TPH2: variants seen among roughly 807,000 people sequenced by gnomAD.
The protein encoded by TPH2 is tryptophan 5-hydroxylase 2.
Under a neutral mutation model 59.1 loss-of-function variants are expected in TPH2, and 27 were observed. The observed-to-expected ratio is 0.46, with a 90% CI of 0.34 to 0.63. The LOEUF (loss-of-function observed/expected upper bound fraction) is 0.63. Ranked by LOEUF, TPH2 falls within the 30% of genes least tolerant of loss-of-function variation. TPH2 has a pLI of 0.01. For synonymous variants in TPH2, 220 were observed against 210.5 expected (o/e 1.05, Z -0.39); for missense variants, 523 against 588.3 (o/e 0.89, Z 1.15).
chr12:71,953,358 G>C (rs1288480678), intron 5 of TPH2, among the ~76,000 whole-genome samples: 1 of 152,044 alleles, frequency 6.6e-6, no homozygotes, highest in Non-Finnish European at 1.5e-5. Context: ...CTGAGTATGA[G>C]TTTGAGGATG....
intron 6 of TPH2, among the ~76,000 whole-genome samples, chr12:71,976,841 C>T (rs778807433): frequency 1.1e-4 from 16 of 152,048 alleles, no homozygotes; most frequent in Admixed American, 5.9e-4. Context: ...AAAGGAATAG[C>T]CTTCCAGGAC....
chr12:72,017,005 C>T (rs1033413198), intron 8 of TPH2, among the ~76,000 whole-genome samples: 3 of 152,106 alleles, frequency 2.0e-5, no homozygotes, highest in Non-Finnish European at 4.4e-5. Flanking sequence ...AATTTCTTTC[C>T]CATCAAGTGT....
intron 8 of TPH2, among the ~76,000 whole-genome samples, chr12:72,000,788 T>C (rs2139227271): frequency 6.6e-6 from 1 of 152,324 alleles, no homozygotes; most frequent in Middle Eastern, 3.4e-3. Flanking sequence ...GCCATGTCAT[T>C]GCTTCTGTTT....
chr12:71,998,657 CTCAGG>C (rs1174114479), intron 8 of TPH2, among the ~76,000 whole-genome samples: 1 of 152,094 alleles, frequency 6.6e-6, no homozygotes, highest in African/African-American at 2.4e-5. Flanking sequence ...ATATTAAGAG[CTCAGG>C]TCTTACTGGC....
intron 8 of TPH2, among the ~76,000 whole-genome samples, chr12:72,000,076 G>A (rs917950677): frequency 3.7e-4 from 56 of 152,276 alleles, no homozygotes; most frequent in African/African-American, 1.3e-3. Context: ...TTGAACATGT[G>A]TCAAAGATTT....
chr12:71,994,402 CT>C (rs1280491499), intron 7 of TPH2, 36 bp from the exon 8 acceptor site: 1 of 1,612,594 alleles, frequency 6.2e-7, no homozygotes, highest in Admixed American at 1.7e-5. Flanking sequence ...TTTAAAGCTT[CT>C]TATTTAACAC....
intron 9 of TPH2, among the ~76,000 whole-genome samples, chr12:72,023,531 T>C (rs1873481521): frequency 6.6e-6 from 1 of 151,964 alleles, no homozygotes. Flanking sequence ...GTAATAATGA[T>C]GAAGAATAAG....
intron 8 of TPH2, among the ~76,000 whole-genome samples, chr12:72,001,087 C>A (rs2139227485): frequency 6.6e-6 from 1 of 152,306 alleles, no homozygotes; most frequent in South Asian, 2.1e-4. Flanking sequence ...GTGGGGGAAG[C>A]AATCAGTGTG....
intron 8 of TPH2, among the ~76,000 whole-genome samples, chr12:71,994,964 C>T (rs375439983): frequency 0.055 from 7,887 of 144,532 alleles, 713 homozygotes; most frequent in African/African-American, 0.18. Context: ...CAGATTTAGC[C>T]TGTGTGCTGT....
chr12:71,975,142 T>C (rs1365205142), intron 6 of TPH2, among the ~76,000 whole-genome samples: 1 of 151,840 alleles, frequency 6.6e-6, no homozygotes, highest in Non-Finnish European at 1.5e-5. Flanking sequence ...AGGTCAGGAG[T>C]TCGAGACCAG....
chr12:71,988,483 C>T (rs575960736), intron 7 of TPH2, among the ~76,000 whole-genome samples: 2 of 152,148 alleles, frequency 1.3e-5, no homozygotes, highest in South Asian at 2.1e-4. Context: ...CTTCACATGG[C>T]GAAGGGAGGA....
intron 5 of TPH2, chr12:71,962,410 T>C (rs961777495): frequency 4.1e-6 from 4 of 985,344 alleles, no homozygotes; most frequent in Admixed American, 6.1e-5. Context: ...CTTTCTTTCC[T>C]GGTGAAAATT....
chr12:71,950,754 A>G (rs2139185205), intron 5 of TPH2, among the ~76,000 whole-genome samples: 1 of 152,290 alleles, frequency 6.6e-6, no homozygotes, highest in South Asian at 2.1e-4. Flanking sequence ...CTGTGAGGCG[A>G]ATTTTTCACT....
At chr12:71,988,920 T>C (rs541707899) in intron 7 of TPH2, among the ~76,000 whole-genome samples, 42 of 152,266 alleles carry the variant, frequency 2.8e-4, no homozygotes, top group South Asian at 1.7e-3. Flanking sequence ...TTTCCTAATA[T>C]AGCACCTGGT....
At chr12:72,009,970 A>G (rs1873056612) in intron 8 of TPH2, among the ~76,000 whole-genome samples, 1 of 152,212 alleles carries the variant, frequency 6.6e-6, no homozygotes, top group South Asian at 2.1e-4. Context: ...TGCAGAAGTT[A>G]CTCAAGCTCC....
chr12:71,962,460 G>A (rs1346498450), intron 5 of TPH2: 10 of 985,268 alleles, frequency 1.0e-5, no homozygotes, highest in Non-Finnish European at 1.1e-5. Context: ...TCTAGATAAG[G>A]GTCAGGAAAA....
chr12:71,982,773 C>T (rs1047605916), intron 7 of TPH2, among the ~76,000 whole-genome samples: 2 of 152,092 alleles, frequency 1.3e-5, no homozygotes, highest in African/African-American at 2.4e-5. Flanking sequence ...GTGGAGGCTG[C>T]GCTAATGAGA....
At position 72,031,863 on chromosome 12, in the gene TPH2, T is replaced by C; in HGVS notation, c.*168T>C. 1 of 754,684 alleles carries C rather than the reference T, an allele frequency of 1.3e-6. No individual in the cohort carries two copies. The highest frequency in any genetic ancestry group is 2.2e-6 in the Non-Finnish European group (1 of 446,456). The allele number at this position is 754,684 out of a possible 1,614,324, so 46.7% of individuals were successfully genotyped here. A position where few individuals can be genotyped will look rare whatever the true frequency, so the allele number is the denominator to read the frequency against. On this transcript the variant is annotated 3_prime_UTR_variant, in exon 11 of 11. Coordinates refer to ENST00000333850, the MANE Select transcript of TPH2 (RefSeq NM_173353.4). ...CACTGTGTTAGTATATAAAGCACCA[T>C]AAGAAATCCAATGGCAGATAACCAC...
rs563123055 is a variant in TPH2 at position 71,955,525 on chromosome 12, G to A, written c.608+5870G>A. ...GTCAAAAGTCGGAGCTGCACTGCCT[G>A]GGGTGAATCCCAGCTTTACCATTTA... is the stretch of plus-strand genomic sequence containing the variant. On this transcript the variant is annotated intron_variant, in intron 5 of 10. Transcript: ENST00000333850. Among the ~76,000 whole-genome samples the A allele has an allele frequency of 2.8e-3, 433 of 152,282 alleles. 3 individuals carry two copies. Among genetic ancestry groups the A allele is most frequent in the Middle Eastern group, 0.014 (4 of 294 alleles).
Sources: gnomAD v4.1 joint callset for allele counts (sites outside exome capture counted in the v4.1 genomes callset) on GRCh38, gnomAD v4.1.1 for gene constraint, MANE v1.5 for transcripts, NCBI Gene and HGNC (gene_info 2026-07-23, HGNC 2026-07-21) for gene names.